ACTN4: variants seen among roughly 807,000 people sequenced by gnomAD.
The protein encoded by ACTN4 is alpha-actinin-4.
Under a neutral mutation model 114.2 loss-of-function variants are expected in ACTN4, and 18 were observed. The ratio of observed to expected loss-of-function variants is 0.16; its 90% confidence interval spans 0.11 to 0.23. The LOEUF (loss-of-function observed/expected upper bound fraction) is 0.23, where lower values mean the gene tolerates loss of function less well. ACTN4 is among the 10% of genes least tolerant of loss of function. ACTN4 has a pLI of 1.00. For synonymous variants in ACTN4, 515 were observed against 506.3 expected, an observed-to-expected ratio of 1.02 and a Z score of -0.23; for missense variants, 722 against 1,262.9, an observed-to-expected ratio of 0.57 and a Z score of 6.49.
chr19:38,704,643 C>T (rs1483218035), intron 3 of ACTN4, among the ~76,000 whole-genome samples: 3 of 146,328 alleles, frequency 2.1e-5, no homozygotes, highest in Non-Finnish European at 3.1e-5. Context: ...CTTGGAGGAG[C>T]GGTTTTTTGA....
At chr19:38,661,668 T>A (rs1331264966) in intron 1 of ACTN4, among the ~76,000 whole-genome samples, 1 of 152,202 alleles carries the variant, frequency 6.6e-6, no homozygotes, top group Non-Finnish European at 1.5e-5. Flanking sequence ...ATTTATTTAT[T>A]TTGAGACGGA....
At chr19:38,718,237 TG>T (rs1249942416) in intron 11 of ACTN4, 163 bp downstream of exon 11, 2 of 1,262,870 alleles carry the variant, frequency 1.6e-6, no homozygotes, top group Non-Finnish European at 1.1e-6. Flanking sequence ...TCAGAAATGC[TG>T]CTTTAGAGCC....
chr19:38,728,527 T>C (rs1004705164), intron 19 of ACTN4: 9 of 514,572 alleles, frequency 1.7e-5, no homozygotes, highest in South Asian at 1.6e-4. Flanking sequence ...AGCGCAGCCG[T>C]GCCTGCCTCT....
chr19:38,711,402 CCTG>C (rs1968648513), intron 8 of ACTN4: 2 of 941,106 alleles, frequency 2.1e-6, no homozygotes, highest in South Asian at 9.4e-5. Context: ...GGGCTGCAGA[CCTG>C]CCTTCACCAC....
At chr19:38,692,687 G>A (rs1394638158) in intron 1 of ACTN4, among the ~76,000 whole-genome samples, 3 of 152,214 alleles carry the variant, frequency 2.0e-5, no homozygotes, top group Non-Finnish European at 2.9e-5. Flanking sequence ...CCTTGCCTGA[G>A]GTCTGGCAAT....
chr19:38,686,660 C>T (rs1176157156), intron 1 of ACTN4, among the ~76,000 whole-genome samples: 1 of 152,250 alleles, frequency 6.6e-6, no homozygotes, highest in African/African-American at 2.4e-5. Flanking sequence ...GCACTGCCTC[C>T]CGCTCTGTGG....
chr19:38,714,428 G>C, intron 8 of ACTN4, 41 bp from the exon 9 acceptor site: 1 of 1,597,424 alleles, frequency 6.3e-7, no homozygotes, highest in Non-Finnish European at 8.6e-7. Context: ...GAGGGAGGGT[G>C]GCCAGCCCCC....
intron 1 of ACTN4, among the ~76,000 whole-genome samples, chr19:38,658,086 A>C (rs1482991689): frequency 6.6e-6 from 1 of 152,230 alleles, no homozygotes; most frequent in Non-Finnish European, 1.5e-5. Context: ...ACTTGGTATC[A>C]CAGGAAAATA....
chr19:38,697,820 T>G (rs1299923125), intron 1 of ACTN4, among the ~76,000 whole-genome samples: 1 of 152,204 alleles, frequency 6.6e-6, no homozygotes, highest in African/African-American at 2.4e-5. Context: ...CAGGCACATG[T>G]GAGAGTAGAG....
intron 17 of ACTN4, among the ~76,000 whole-genome samples, chr19:38,726,587 A>G (rs1365648424): frequency 2.6e-5 from 4 of 151,990 alleles, no homozygotes; most frequent in African/African-American, 7.2e-5. Context: ...AAGACTGGAC[A>G]CTCTTGATCC....
chr19:38,667,489 TCTTA>T (rs752120124), intron 1 of ACTN4, among the ~76,000 whole-genome samples: 1 of 152,180 alleles, frequency 6.6e-6, no homozygotes, highest in Non-Finnish European at 1.5e-5. Context: ...AAAAATCCTC[TCTTA>T]CTATTTTTGC....
At chr19:38,687,787 C>T (rs1967794927) in intron 1 of ACTN4, among the ~76,000 whole-genome samples, 1 of 152,106 alleles carries the variant, frequency 6.6e-6, no homozygotes, top group Non-Finnish European at 1.5e-5. Context: ...CAGACTGTTT[C>T]AAAACTGGAA....
Position 38,727,748 on chromosome 19 carries a change from T to C in ACTN4, c.2338-198T>C. 1.7e-6 allele frequency: 1 copy of C among 599,156 alleles called. No homozygotes were observed. The highest frequency in any genetic ancestry group is 2.0e-5 in the South Asian group (1 of 51,204). The allele number at this position is 599,156 out of a possible 1,614,324, so 37.1% of individuals were successfully genotyped here. A position where few individuals can be genotyped will look rare whatever the true frequency, so the allele number is the denominator to read the frequency against. ...TCTGCCTTCCTTTGAGCTTCCGAGG[T>C]TGGGGAAAGGATGAAAGGGGCCCGT... is the stretch of plus-strand genomic sequence containing the variant. On this transcript the variant is annotated intron_variant, in intron 18 of 20. Coordinates refer to ENST00000252699, the MANE Select transcript of ACTN4 (RefSeq NM_004924.6). This position sits in a 1 kb window ranked among gnomAD's most constrained non-coding sequence, Gnocchi z 5.4.
chr19:38,728,427 TCCTCCTCCTCCTCCTCCTCCTC>T (rs1969328899), intron 19 of ACTN4: 1 of 946,976 alleles, frequency 1.1e-6, no homozygotes, highest in African/African-American at 3.1e-5. Flanking sequence ...CTCCTCCTCC[TCCTCCTCCTCCTCCTCCTCCTC>T]CCCCCCACCT....
At position 38,710,279 on chromosome 19, in the gene ACTN4, C is replaced by T. The variant is rs757819341; in HGVS notation, c.756C>T (p.Pro252=). 7.6e-5 allele frequency: 123 copies of T among 1,614,014 alleles called. No homozygotes were observed. Among genetic ancestry groups the T allele is most frequent in the Non-Finnish European group, 8.9e-5 (105 of 1,180,040 alleles). ...CAGACATCGTGAACACGGCCCGGCC[C>T]GACGAGAAGGCCATAATGACCTATG... ...DAEDIVNTAR[P]DEKAIMTYVS... The change falls in exon 8 of 21, where the codon CCC becomes CCT. Residue 252 remains proline, a synonymous_variant. Transcript: ENST00000252699.
Position 38,730,506 on chromosome 19 carries a change from A to G in ACTN4, c.*1074A>G. 2.9e-6 allele frequency: 1 copy of G among 345,238 alleles called. No homozygotes were observed. The highest frequency in any genetic ancestry group is 5.4e-5 in the East Asian group (1 of 18,572). 21.4% of individuals were successfully genotyped at this position (345,238 alleles called of 1,614,324 possible). ...AACCACCCTCTGGGGACAGGATAAT[A>G]AAACATGTAATATTTTTAAGAAGGA... On this transcript the variant is annotated 3_prime_UTR_variant, in exon 21 of 21. Coordinates refer to ENST00000252699, the MANE Select transcript of ACTN4 (RefSeq NM_004924.6).
At chr19:38,664,339 C>T (rs1236086105) in intron 1 of ACTN4, among the ~76,000 whole-genome samples, 3 of 151,900 alleles carry the variant, frequency 2.0e-5, no homozygotes, top group Admixed American at 6.6e-5. Context: ...ACTTAAATAC[C>T]GCAGTGTCCT....
intron 1 of ACTN4, among the ~76,000 whole-genome samples, chr19:38,664,040 C>A (rs915713355): frequency 2.0e-5 from 3 of 152,238 alleles, no homozygotes; most frequent in Non-Finnish European, 4.4e-5. Flanking sequence ...GCCCAGATGA[C>A]CACGCGCAGC....
In ACTN4 at chr19:38,724,602, T is replaced by G; in HGVS notation, c.2010+37T>G. The G allele has an allele frequency of 6.2e-7, 1 of 1,612,230 alleles. No homozygotes were observed. ...CTGAGCCCCACAGAGCTGAGAAGGT[T>G]CCAAGAGAGCTCCCGTAGTGAGGGG... On this transcript the variant is annotated intron_variant, in intron 16 of 20. Coordinates refer to ENST00000252699, the MANE Select transcript of ACTN4 (RefSeq NM_004924.6). This position sits in a 1 kb window ranked among gnomAD's most constrained non-coding sequence, Gnocchi z 7.0.
Sources: gnomAD v4.1 joint callset for allele counts (sites outside exome capture counted in the v4.1 genomes callset) on GRCh38, gnomAD v4.1.1 for gene constraint, Gnocchi (gnomAD v3.1) non-coding constraint, MANE v1.5 for transcripts, NCBI Gene and HGNC (gene_info 2026-07-23, HGNC 2026-07-21) for gene names.